PRKACB: variants seen among roughly 807,000 people sequenced by gnomAD.
PRKACB encodes the protein cAMP-dependent protein kinase catalytic subunit beta.
Under a neutral mutation model 51.4 loss-of-function variants are expected in PRKACB, and 16 were observed. That is an observed-to-expected ratio of 0.31 (90% CI 0.21 to 0.47). PRKACB has a LOEUF of 0.47. PRKACB is among the 20% of genes least tolerant of loss of function. The pLI is 1.00. For synonymous variants in PRKACB, 147 were observed against 154.4 expected (o/e 0.95, Z 0.35); for missense variants, 309 against 464.5 (o/e 0.67, Z 3.08).
chr1:84,098,923 A>G (rs2100800402), intron 1 of PRKACB, among the ~76,000 whole-genome samples: 1 of 152,220 alleles, frequency 6.6e-6, no homozygotes. Context: ...AGGATTAGAG[A>G]TCCTGGTAAG....
intron 1 of PRKACB, among the ~76,000 whole-genome samples, chr1:84,122,698 G>A (rs890451848): frequency 5.3e-5 from 8 of 152,070 alleles, no homozygotes; most frequent in African/African-American, 1.7e-4. Context: ...TTAAAAGGAC[G>A]TTTTGGAATT....
intron 1 of PRKACB, among the ~76,000 whole-genome samples, chr1:84,105,169 T>C (rs1649633528): frequency 6.6e-6 from 1 of 152,174 alleles, no homozygotes; most frequent in Non-Finnish European, 1.5e-5. Context: ...TCATGAGACA[T>C]TAAAATTTTT....
intron 5 of PRKACB, among the ~76,000 whole-genome samples, chr1:84,186,342 C>G (rs1665103187): frequency 6.6e-6 from 1 of 152,022 alleles, no homozygotes; most frequent in African/African-American, 2.4e-5. Context: ...CCTCAGCCAC[C>G]CGAGTAGCTG....
chr1:84,150,609 A>T (rs1344940478), intron 1 of PRKACB, among the ~76,000 whole-genome samples: 2 of 152,080 alleles, frequency 1.3e-5, no homozygotes, highest in Non-Finnish European at 2.9e-5. Flanking sequence ...TTGTTTTTTT[A>T]AAACAAACAT....
intron 1 of PRKACB, among the ~76,000 whole-genome samples, chr1:84,158,654 G>A (rs903366203): frequency 2.0e-5 from 3 of 152,032 alleles, no homozygotes; most frequent in African/African-American, 4.8e-5. Flanking sequence ...TATTTGAAGA[G>A]CAAAATTTGT....
chr1:84,200,946 C>T (rs1669928318), intron 7 of PRKACB, among the ~76,000 whole-genome samples: 1 of 151,992 alleles, frequency 6.6e-6, no homozygotes, highest in African/African-American at 2.4e-5. Context: ...TGTAGCCACT[C>T]TTCTATCGTT....
chr1:84,190,788 T>C (rs1208432039), intron 5 of PRKACB, among the ~76,000 whole-genome samples: 2 of 152,138 alleles, frequency 1.3e-5, no homozygotes, highest in Non-Finnish European at 2.9e-5. Context: ...TTGATCTTTA[T>C]GTAATGCCCT....
chr1:84,166,996 A>T (rs1031643538), intron 1 of PRKACB, among the ~76,000 whole-genome samples: 2 of 151,606 alleles, frequency 1.3e-5, no homozygotes, highest in Admixed American at 1.3e-4. Context: ...CTGCCCATAC[A>T]GGAAGTGAAA....
Position 84,238,085 on chromosome 1 carries a change from TG to T in PRKACB, c.*2781del, listed in dbSNP as rs1676811251. 6.6e-6 allele frequency: 1 copy of T among 152,200 alleles called. No homozygotes were observed. The highest frequency in any genetic ancestry group is 2.1e-4 in the South Asian group (1 of 4,830). The allele number at this position is 152,200 out of a possible 1,614,324, so 9.4% of individuals were successfully genotyped here. A position where few individuals can be genotyped will look rare whatever the true frequency, so the allele number is the denominator to read the frequency against. On this transcript the variant is annotated 3_prime_UTR_variant, in exon 10 of 10. Coordinates refer to ENST00000370685, the MANE Select transcript of PRKACB (RefSeq NM_182948.4). ...TATTTGAATATCATAAGAGCCTTGG[TG>T]TCTGTCCTAATTCCTTTCTCACTCA...
At chr1:84,149,510 C>T (rs2100631205) in intron 1 of PRKACB, among the ~76,000 whole-genome samples, 1 of 152,328 alleles carries the variant, frequency 6.6e-6, no homozygotes, top group Middle Eastern at 3.4e-3. Context: ...ATCTGCCTGC[C>T]TTGGCCTCCC....
chr1:84,078,378 T>C (rs773619063), intron 1 of PRKACB: 18 of 1,607,484 alleles, frequency 1.1e-5, no homozygotes, highest in Non-Finnish European at 1.4e-5. Flanking sequence ...AGCGGTGAGT[T>C]GAAGGCCGGG....
chr1:84,182,763 A>G (rs1382021764), intron 3 of PRKACB, among the ~76,000 whole-genome samples: 1 of 134,260 alleles, frequency 7.4e-6, no homozygotes, highest in Non-Finnish European at 1.7e-5. Context: ...ATTTTATATA[A>G]GGGACTTGAG....
At chr1:84,188,416 C>G (rs1665810755) in intron 5 of PRKACB, among the ~76,000 whole-genome samples, 1 of 151,478 alleles carries the variant, frequency 6.6e-6, no homozygotes, top group Non-Finnish European at 1.5e-5. Flanking sequence ...GGGGTCTTTT[C>G]TATGAATCTG....
chr1:84,084,435 TG>T (rs1230654942), intron 1 of PRKACB, among the ~76,000 whole-genome samples: 1 of 152,064 alleles, frequency 6.6e-6, no homozygotes, highest in Non-Finnish European at 1.5e-5. Context: ...ATCGTGCACT[TG>T]GAAATAAGAG....
chr1:84,086,105 G>T, intron 1 of PRKACB: 2 of 1,475,138 alleles, frequency 1.4e-6, no homozygotes, highest in Non-Finnish European at 1.9e-6. Context: ...CACAGACCTC[G>T]CCATTGAGTA....
chr1:84,151,985 C>A (rs1654907130), intron 1 of PRKACB, among the ~76,000 whole-genome samples: 1 of 152,182 alleles, frequency 6.6e-6, no homozygotes, highest in South Asian at 2.1e-4. Flanking sequence ...ATTTACTTTG[C>A]CCAGATCCAT....
At chr1:84,115,027 C>G (rs930087534) in intron 1 of PRKACB, among the ~76,000 whole-genome samples, 1 of 152,130 alleles carries the variant, frequency 6.6e-6, no homozygotes, top group Admixed American at 6.5e-5. Flanking sequence ...GATACACTGT[C>G]TTCTTTTCCT....
intron 1 of PRKACB, among the ~76,000 whole-genome samples, chr1:84,163,101 T>C (rs1023299175): frequency 6.6e-6 from 1 of 152,100 alleles, no homozygotes; most frequent in Non-Finnish European, 1.5e-5. Flanking sequence ...TTAATTGTTA[T>C]TTAATGATTG....
At chr1:84,119,839 A>G (rs1650922450) in intron 1 of PRKACB, among the ~76,000 whole-genome samples, 1 of 152,052 alleles carries the variant, frequency 6.6e-6, no homozygotes, top group South Asian at 2.1e-4. Context: ...ACTGCAGCAT[A>G]TAAGTGTAGA....
Sources: gnomAD v4.1 joint callset for allele counts (sites outside exome capture counted in the v4.1 genomes callset) on GRCh38, gnomAD v4.1.1 for gene constraint, MANE v1.5 for transcripts, NCBI Gene and HGNC (gene_info 2026-07-23, HGNC 2026-07-21) for gene names.